Variants in TFAP2D observed in about 807,000 individuals in gnomAD.
TFAP2D encodes the protein transcription factor AP-2 delta, also known as transcription factor AP-2-delta.
Under a neutral mutation model 43.6 loss-of-function variants are expected in TFAP2D, and 9 were observed. The ratio of observed to expected loss-of-function variants is 0.21; its 90% CI spans 0.12 to 0.36. The LOEUF (loss-of-function observed/expected upper bound fraction) is 0.36, where lower values mean the gene tolerates loss of function less well. Among genes scored for constraint, TFAP2D ranks in the 10% least tolerant of loss-of-function variants. The probability of loss-of-function intolerance (pLI) is 1.00; values close to 1 mark genes in which losing one functional copy is unlikely to be tolerated. For missense variants in TFAP2D, 513 were observed against 561.4 expected (o/e 0.91, Z 0.87); for synonymous variants, 256 against 224.9 (o/e 1.14, Z -1.24).
intron 7 of TFAP2D, among the ~76,000 whole-genome samples, chr6:50,760,304 G>A (rs1425617538): frequency 3.3e-5 from 5 of 152,006 alleles, no homozygotes; most frequent in African/African-American, 7.2e-5. Flanking sequence ...TGGTTGTAAG[G>A]AGACATACTG....
At chr6:50,722,935 G>T (rs796987731) in intron 3 of TFAP2D, among the ~76,000 whole-genome samples, 13 of 152,192 alleles carry the variant, frequency 8.5e-5, no homozygotes, top group African/African-American at 2.7e-4. Context: ...TAAACACTGC[G>T]GTAGCCTCTG....
At chr6:50,762,675 A>T (rs1385639888) in intron 7 of TFAP2D, among the ~76,000 whole-genome samples, 1 of 152,096 alleles carries the variant, frequency 6.6e-6, no homozygotes, top group Non-Finnish European at 1.5e-5. Flanking sequence ...AATTAGGAAG[A>T]TGACTGTTAA....
chr6:50,741,447 C>T (rs185862693), intron 5 of TFAP2D, among the ~76,000 whole-genome samples: 1 of 152,166 alleles, frequency 6.6e-6, no homozygotes, highest in East Asian at 1.9e-4. Flanking sequence ...CACTCTCCAC[C>T]CTCCAGAAGA....
intron 3 of TFAP2D, 76 bp from the exon 4 acceptor site, chr6:50,728,778 CTT>C: frequency 1.4e-6 from 2 of 1,443,838 alleles, no homozygotes; most frequent in Admixed American, 3.6e-5. Flanking sequence ...CCAGAATAGT[CTT>C]TTGATGTTAA....
intron 5 of TFAP2D, among the ~76,000 whole-genome samples, chr6:50,738,137 C>T (rs1449020757): frequency 1.3e-5 from 2 of 151,806 alleles, no homozygotes; most frequent in East Asian, 1.9e-4. Flanking sequence ...CTAAAAAAAC[C>T]CTCTATTATG....
chr6:50,766,654 C>CTTTTTTTTTTT lies in TFAP2D; in HGVS notation c.1140-5976_1140-5966dup, dbSNP rs763018088. Reference sequence around the variant, plus strand: ...CCTTTTGATACCATGAGATTGCTTTCTTTTTTTTTTTTTTTTTTTTTTTTT... The same window carrying CTTTTTTTTTTT: ...CCTTTTGATACCATGAGATTGCTTTCTTTTTTTTTTTTTTTTTTTTTTTTTTTTTTTTTTTT... On this transcript the variant is annotated intron_variant, in intron 7 of 7. Transcript: ENST00000008391. 4.9e-4 allele frequency among the ~76,000 whole-genome samples: 28 copies of CTTTTTTTTTTT among 57,388 alleles called. 6 individuals carry two copies. Among genetic ancestry groups the CTTTTTTTTTTT allele is most frequent in the East Asian group, 1.5e-3 (2 of 1,306 alleles). The allele number at this position is 57,388 out of a possible 152,430, so 37.6% of individuals were successfully genotyped here. A position where few individuals can be genotyped will look rare whatever the true frequency, so the allele number is the denominator to read the frequency against.
Position 50,751,334 on chromosome 6 carries a change from G to T in TFAP2D, c.1139+10G>T. ...ATTTAACACATTTCAGGTAAGACTG[G>T]TTTTCCAGTTTGCTCAAATTCTTTA... is the stretch of plus-strand genomic sequence containing the variant. On this transcript the variant is annotated intron_variant, in intron 7 of 7. Transcript: ENST00000008391. 1.3e-6 allele frequency: 2 copies of T among 1,586,234 alleles called. No individual in the cohort carries two copies. Among genetic ancestry groups the T allele is most frequent in the East Asian group, 2.2e-5 (1 of 44,634 alleles).
intron 3 of TFAP2D, among the ~76,000 whole-genome samples, chr6:50,724,233 C>G (rs1768772869): frequency 6.6e-6 from 1 of 151,934 alleles, no homozygotes. Flanking sequence ...AACCGCAGAA[C>G]AAACAGGGAC....
At chr6:50,720,632 A>G (rs1005370203) in intron 3 of TFAP2D, among the ~76,000 whole-genome samples, 2 of 152,158 alleles carry the variant, frequency 1.3e-5, no homozygotes, top group Admixed American at 1.3e-4. Flanking sequence ...ATGGAATAAA[A>G]TAGGCCCAAG....
chr6:50,733,691 C>G (rs1182982616), intron 5 of TFAP2D, among the ~76,000 whole-genome samples: 2 of 152,030 alleles, frequency 1.3e-5, no homozygotes, highest in Non-Finnish European at 2.9e-5. Flanking sequence ...GGTGGTTATT[C>G]AAATAAATAC....
intron 3 of TFAP2D, among the ~76,000 whole-genome samples, chr6:50,727,886 G>A (rs573231493): frequency 2.6e-5 from 4 of 152,256 alleles, no homozygotes; most frequent in African/African-American, 9.6e-5. Flanking sequence ...CAGTGGGGGA[G>A]GAATTGGACA....
chr6:50,772,208 C>T (rs1052830311), intron 7 of TFAP2D, among the ~76,000 whole-genome samples: 1 of 150,986 alleles, frequency 6.6e-6, no homozygotes, highest in African/African-American at 2.4e-5. Context: ...CACTTGGACA[C>T]AGGAAGGGGA....
At chr6:50,735,619 AAGTTATT>A (rs1187092639) in intron 5 of TFAP2D, among the ~76,000 whole-genome samples, 2 of 152,168 alleles carry the variant, frequency 1.3e-5, no homozygotes, top group Non-Finnish European at 2.9e-5. Flanking sequence ...CCAGTTCATT[AAGTTATT>A]AGTTACAAGA....
intron 5 of TFAP2D, among the ~76,000 whole-genome samples, chr6:50,730,445 A>G (rs2114039273): frequency 6.6e-6 from 1 of 152,218 alleles, no homozygotes; most frequent in South Asian, 2.1e-4. Flanking sequence ...GTGTGCTGGT[A>G]CTAAAGGCTG....
intron 5 of TFAP2D, among the ~76,000 whole-genome samples, chr6:50,739,594 A>G (rs1581767319): frequency 6.6e-6 from 1 of 152,270 alleles, no homozygotes; most frequent in East Asian, 1.9e-4. Context: ...AGTCTATTTT[A>G]TTAAATGGCT....
chr6:50,744,986 TTAAG>T lies in TFAP2D; in HGVS notation c.884-118_884-115del, dbSNP rs983066302. The T allele has an allele frequency of 1.6e-5, 21 of 1,278,136 alleles. No individual in the cohort carries two copies. In the African/African-American group the frequency reaches 3.2e-4, roughly 19 times the overall value. The allele number at this position is 1,278,136 out of a possible 1,614,324, so 79.2% of individuals were successfully genotyped here. ...AAAAAGGTCTTTTTTCTTGAATAGT[TTAAG>T]TAGGAAAAATGATTTGTCTGACCAC... On this transcript the variant is annotated intron_variant, in intron 5 of 7. Coordinates refer to ENST00000008391, the MANE Select transcript of TFAP2D (RefSeq NM_172238.4).
At chr6:50,762,878 A>G (rs1769382774) in intron 7 of TFAP2D, among the ~76,000 whole-genome samples, 1 of 152,034 alleles carries the variant, frequency 6.6e-6, no homozygotes, top group Non-Finnish European at 1.5e-5. Flanking sequence ...GAGAGAAAGA[A>G]AGAGAAAATG....
chr6:50,719,364 G>A (rs564902581), intron 3 of TFAP2D, among the ~76,000 whole-genome samples: 37 of 151,986 alleles, frequency 2.4e-4, no homozygotes, highest in Non-Finnish European at 4.3e-4. Flanking sequence ...TAAGACTTGT[G>A]ATAGGAGATA....
chr6:50,715,028 G>A, intron 1 of TFAP2D, 88 bp from the exon 2 acceptor site: 1 of 1,517,496 alleles, frequency 6.6e-7, no homozygotes, highest in Non-Finnish European at 8.9e-7. Flanking sequence ...GCCAGAGAAA[G>A]CTCCTGGCTC....
Sources: allele counts gnomAD v4.1 joint callset (sites outside exome capture counted in the v4.1 genomes callset), GRCh38; gene constraint gnomAD v4.1.1; transcripts MANE v1.5; gene names NCBI Gene and HGNC (gene_info 2026-07-23, HGNC 2026-07-21).